PRKN: variants seen among roughly 807,000 people sequenced by gnomAD.
PRKN encodes the protein E3 ubiquitin-protein ligase parkin.
PRKN carries 56 observed loss-of-function variants against 59.5 expected under a neutral mutation model. That is an observed-to-expected ratio of 0.94 (90% CI 0.76 to 1.18). The LOEUF is 1.18. Among genes scored for constraint, PRKN ranks in the 50% most tolerant of loss-of-function variants. PRKN has a pLI of 0.00. For synonymous variants in PRKN, 250 were observed against 222.1 expected, an observed-to-expected ratio of 1.13 and a Z score of -1.12; for missense variants, 657 against 596.4, an observed-to-expected ratio of 1.10 and a Z score of -1.06.
chr6:162,562,529 G>T (rs959062662), intron 1 of PRKN, among the ~76,000 whole-genome samples: 1 of 152,104 alleles, frequency 6.6e-6, no homozygotes, highest in African/African-American at 2.4e-5. Flanking sequence ...AGAGCCTTTG[G>T]GCCTTAAGGG....
At chr6:161,574,521 G>A (rs1167033030) in intron 7 of PRKN, among the ~76,000 whole-genome samples, 1 of 152,046 alleles carries the variant, frequency 6.6e-6, no homozygotes, top group Non-Finnish European at 1.5e-5. Context: ...TGAAATTCGT[G>A]AGTAAGCGCT....
intron 3 of PRKN, among the ~76,000 whole-genome samples, chr6:162,219,963 G>C (rs568512289): frequency 1.3e-5 from 2 of 152,224 alleles, no homozygotes; most frequent in South Asian, 4.1e-4. Context: ...TGTGGTATTT[G>C]CCTATAATCT....
intron 7 of PRKN, among the ~76,000 whole-genome samples, chr6:161,583,669 G>A (rs140255982): frequency 6.6e-6 from 1 of 152,022 alleles, no homozygotes; most frequent in Non-Finnish European, 1.5e-5. Flanking sequence ...CTCATTGCAT[G>A]CCCTTACATC....
chr6:161,405,611 T>A lies in PRKN; in HGVS notation c.1084-18734A>T, dbSNP rs1562425147. Among the ~76,000 whole-genome samples the A allele has an allele frequency of 1.3e-5, 1 of 74,430 alleles. No homozygotes were observed. The highest frequency in any genetic ancestry group is 3.4e-5 in the Non-Finnish European group (1 of 29,718). 48.8% of individuals were successfully genotyped at this position (74,430 alleles called of 152,430 possible). On this transcript the variant is annotated intron_variant, in intron 9 of 11. Coordinates refer to ENST00000366898, the MANE Select transcript of PRKN (RefSeq NM_004562.3). The surrounding 1 kb of genome is among the most constrained non-coding windows in gnomAD (Gnocchi z 5.1). ...AATAAAATAAAATAAAAATTAAAAATAAATAAATAAATAAATAAATAAATA... is the reference window on the plus strand; with the variant it reads ...AATAAAATAAAATAAAAATTAAAAAAAAATAAATAAATAAATAAATAAATA...
chr6:161,773,480 A>G (rs4084131), intron 7 of PRKN, among the ~76,000 whole-genome samples: 58,175 of 151,918 alleles, frequency 0.38, 11,236 homozygotes, highest in South Asian at 0.52. Context: ...CAATCAACCC[A>G]TCCATCCATT....
intron 5 of PRKN, among the ~76,000 whole-genome samples, chr6:162,001,108 A>G (rs1489701353): frequency 6.6e-6 from 1 of 152,022 alleles, no homozygotes; most frequent in Non-Finnish European, 1.5e-5. Context: ...TTCTATTTCA[A>G]TACTGCAATG....
intron 5 of PRKN, among the ~76,000 whole-genome samples, chr6:161,999,091 C>T (rs754558863): frequency 3.3e-5 from 5 of 151,986 alleles, no homozygotes; most frequent in Admixed American, 1.3e-4. Flanking sequence ...TTCTAACAAC[C>T]GCAACACAGA....
chr6:162,520,102 AT>A (rs1345273885), intron 1 of PRKN, among the ~76,000 whole-genome samples: 1 of 151,982 alleles, frequency 6.6e-6, no homozygotes, highest in Non-Finnish European at 1.5e-5. Flanking sequence ...ATATATATAT[AT>A]TTTTAAATAT....
chr6:162,097,186 A>G (rs1203444365), intron 4 of PRKN, among the ~76,000 whole-genome samples: 2 of 152,168 alleles, frequency 1.3e-5, no homozygotes, highest in Non-Finnish European at 2.9e-5. Flanking sequence ...AAAAATTATT[A>G]TTTAACATGA....
rs1217007027 is a variant in PRKN, at chr6:161,412,897, C to T, written c.1084-26020G>A. ...TCCTCCACTCACTCATTCCTTCACT[C>T]ACTCATTCCTTCCTCACTCATTCAG... On this transcript the variant is annotated intron_variant, in intron 9 of 11. Coordinates refer to ENST00000366898, the MANE Select transcript of PRKN (RefSeq NM_004562.3). 2.6e-5 allele frequency among the ~76,000 whole-genome samples: 4 copies of T among 152,132 alleles called. No individual in the cohort carries two copies. In the East Asian group the frequency reaches 7.7e-4, roughly 29 times the overall value.
At chr6:162,252,783 T>C (rs1184727466) in intron 3 of PRKN, among the ~76,000 whole-genome samples, 1 of 152,284 alleles carries the variant, frequency 6.6e-6, no homozygotes, top group Non-Finnish European at 1.5e-5. Flanking sequence ...ACTCATTTTG[T>C]ATTTTGTCAT....
rs1371186742 is a variant in PRKN, at chr6:161,561,563, C to T, written c.933+7792G>A. Among the ~76,000 whole-genome samples, 1 of 152,162 alleles carries T rather than the reference C, an allele frequency of 6.6e-6. No homozygotes were observed. The highest frequency in any genetic ancestry group is 1.5e-5 in the Non-Finnish European group (1 of 68,036). ...CTCTTCACATCCCTGCAACTATGAA[C>T]ACACCTGCACCTGCACTCACCCTCT... On this transcript the variant is annotated intron_variant, in intron 8 of 11. Coordinates refer to ENST00000366898, the MANE Select transcript of PRKN (RefSeq NM_004562.3). This position sits in a 1 kb window ranked among gnomAD's most constrained non-coding sequence, Gnocchi z 5.0.
chr6:161,897,835 C>A (rs12663964), intron 6 of PRKN, among the ~76,000 whole-genome samples: 1 of 150,254 alleles, frequency 6.7e-6, no homozygotes, highest in Non-Finnish European at 1.5e-5. Context: ...GGCGTAGTGG[C>A]GGGCGCCTGT....
intron 4 of PRKN, among the ~76,000 whole-genome samples, chr6:162,168,811 G>C (rs2128318952): frequency 6.6e-6 from 1 of 152,142 alleles, no homozygotes; most frequent in South Asian, 2.1e-4. Flanking sequence ...CTATGACGCA[G>C]GGAAAATTAA....
intron 7 of PRKN, among the ~76,000 whole-genome samples, chr6:161,627,251 G>T (rs1015077133): frequency 6.6e-6 from 1 of 152,178 alleles, no homozygotes; most frequent in African/African-American, 2.4e-5. Context: ...ACTATTATGT[G>T]ATCTAATAAA....
Position 161,502,548 on chromosome 6 carries a change from G to A in PRKN, c.1083+46306C>T. 6.6e-6 allele frequency among the ~76,000 whole-genome samples: 1 copy of A among 152,118 alleles called. No individual in the cohort carries two copies. The highest frequency in any genetic ancestry group is 1.9e-4 in the East Asian group (1 of 5,180). Reference sequence around the variant, plus strand: ...CCACATTTAAAAAATGGGATAATGTGAGCTGTCATTTATGTGCATTGACTG... The same window carrying A: ...CCACATTTAAAAAATGGGATAATGTAAGCTGTCATTTATGTGCATTGACTG... On this transcript the variant is annotated intron_variant, in intron 9 of 11. Transcript: ENST00000366898. This position sits in a 1 kb window ranked among gnomAD's most constrained non-coding sequence, Gnocchi z 4.0.
In PRKN at chr6:161,390,045, G is replaced by C. The variant is rs116808213; in HGVS notation, c.1084-3168C>G. Among the ~76,000 whole-genome samples the C allele has an allele frequency of 5.0e-3, 765 of 152,312 alleles. 7 individuals carry two copies. Among genetic ancestry groups the C allele is most frequent in the African/African-American group, 0.017 (715 of 41,578 alleles). The stretch of plus-strand genomic sequence containing the variant: ...TATTCCGGTGATGACTTCACAGGGA[G>C]GCACTGGCTAATTTGCTTCTATTCA... On this transcript the variant is annotated intron_variant, in intron 9 of 11. Coordinates refer to ENST00000366898, the MANE Select transcript of PRKN (RefSeq NM_004562.3). The surrounding 1 kb of genome is among the most constrained non-coding windows in gnomAD (Gnocchi z 7.0).
At chr6:161,392,811 C>T (rs1786574423) in intron 9 of PRKN, among the ~76,000 whole-genome samples, 3 of 151,654 alleles carry the variant, frequency 2.0e-5, no homozygotes, top group African/African-American at 2.4e-5. Flanking sequence ...TTCAATAAGC[C>T]AATTTTTTTC....
At chr6:162,314,468 A>G (rs1782662591) in intron 2 of PRKN, among the ~76,000 whole-genome samples, 1 of 152,102 alleles carries the variant, frequency 6.6e-6, no homozygotes, top group Non-Finnish European at 1.5e-5. Context: ...TGCCCTTTAG[A>G]GTAATTTAAA....
Sources: gnomAD v4.1 joint callset for allele counts (sites outside exome capture counted in the v4.1 genomes callset) on GRCh38, gnomAD v4.1.1 for gene constraint, Gnocchi (gnomAD v3.1) non-coding constraint, MANE v1.5 for transcripts, NCBI Gene and HGNC (gene_info 2026-07-23, HGNC 2026-07-21) for gene names.